DTNA: variants seen among roughly 807,000 people sequenced by gnomAD.
DTNA encodes the protein dystrobrevin alpha, also known as dystrophin-related protein 3.
Under a neutral mutation model 100.7 loss-of-function variants are expected in DTNA, and 43 were observed. The observed-to-expected ratio is 0.43, with a 90% confidence interval of 0.33 to 0.55. The LOEUF (loss-of-function observed/expected upper bound fraction) is 0.55, where lower values mean the gene tolerates loss of function less well. DTNA is among the 20% of genes least tolerant of loss of function. The probability of loss-of-function intolerance (pLI) is 0.04; values close to 1 mark genes in which losing one functional copy is unlikely to be tolerated. For missense variants in DTNA, 798 were observed against 953.9 expected (o/e 0.84, Z 2.15); for synonymous variants, 349 against 347.9 (o/e 1.00, Z -0.04).
At chr18:34,878,864 C>A (rs1446058996) in intron 19 of DTNA, among the ~76,000 whole-genome samples, 1 of 152,158 alleles carries the variant, frequency 6.6e-6, no homozygotes, top group Non-Finnish European at 1.5e-5. Context: ...TATGGTCTTA[C>A]AGCTGAGATT....
chr18:34,624,752 A>G (rs1449757454), intron 1 of DTNA, among the ~76,000 whole-genome samples: 1 of 152,364 alleles, frequency 6.6e-6, no homozygotes, highest in East Asian at 1.9e-4. Context: ...AGAGCTCACA[A>G]TACACAGTGG....
chr18:34,574,756 C>G (rs1352934554), intron 1 of DTNA, among the ~76,000 whole-genome samples: 1 of 152,136 alleles, frequency 6.6e-6, no homozygotes, highest in African/African-American at 2.4e-5. Context: ...CTCTACCTCC[C>G]AAGTAGCTGG....
intron 1 of DTNA, among the ~76,000 whole-genome samples, chr18:34,552,806 T>C (rs2045586141): frequency 6.7e-6 from 1 of 148,450 alleles, no homozygotes; most frequent in Non-Finnish European, 1.5e-5. Context: ...GTTCCAAGTC[T>C]TTGCTATGGT....
chr18:34,581,047 C>G (rs576777657), intron 1 of DTNA, among the ~76,000 whole-genome samples: 1 of 152,180 alleles, frequency 6.6e-6, no homozygotes, highest in South Asian at 2.1e-4. Flanking sequence ...AAATTGAGAC[C>G]ATCCTGGCTA....
intron 8 of DTNA, among the ~76,000 whole-genome samples, chr18:34,819,419 T>A (rs1786596): frequency 0.013 from 1,995 of 152,286 alleles, 37 homozygotes; most frequent in African/African-American, 0.045. Flanking sequence ...TCACTGTTGT[T>A]TATGTCATGC....
chr18:34,872,568 T>A (rs1449198563), intron 17 of DTNA, among the ~76,000 whole-genome samples: 1 of 152,238 alleles, frequency 6.6e-6, no homozygotes, highest in Non-Finnish European at 1.5e-5. Flanking sequence ...GAATGACCAG[T>A]GTTTGTCAGA....
chr18:34,697,033 A>G (rs1157915087), intron 1 of DTNA, among the ~76,000 whole-genome samples: 5 of 152,216 alleles, frequency 3.3e-5, no homozygotes, highest in Non-Finnish European at 4.4e-5. Context: ...CTAACAATCT[A>G]CGATGCTCAG....
intron 1 of DTNA, among the ~76,000 whole-genome samples, chr18:34,737,528 C>T (rs2089849726): frequency 6.6e-6 from 1 of 152,158 alleles, no homozygotes; most frequent in Non-Finnish European, 1.5e-5. Flanking sequence ...TCTTATGATG[C>T]ATACAACCAA....
rs1481215218 is a variant in DTNA, at chr18:34,612,483, G to A, written c.-2+118969G>A. On this transcript the variant is annotated intron_variant, in intron 1 of 19. Transcript: ENST00000283365. ...TCATAGGAGGCCATATGGTCAGCCC[G>A]GGCTAGAGTCTCAGCCTACCCTCAG... is the stretch of plus-strand genomic sequence containing the variant. 2.0e-5 allele frequency among the ~76,000 whole-genome samples: 3 copies of A among 152,238 alleles called. No homozygotes were observed. In the East Asian group the frequency reaches 5.8e-4, roughly 29 times the overall value.
intron 1 of DTNA, among the ~76,000 whole-genome samples, chr18:34,651,684 G>A (rs116610106): frequency 1.5e-3 from 223 of 152,324 alleles, no homozygotes; most frequent in African/African-American, 5.0e-3. Context: ...GATGCAATGA[G>A]AAGTGCAGAA....
intron 1 of DTNA, chr18:34,513,509 C>T (rs1296106461): frequency 6.6e-6 from 1 of 152,148 alleles, no homozygotes; most frequent in Non-Finnish European, 1.5e-5. Flanking sequence ...TCTAAATTCT[C>T]ATTAGAGAAT....
intron 1 of DTNA, among the ~76,000 whole-genome samples, chr18:34,627,317 A>G (rs1163469926): frequency 2.6e-5 from 4 of 152,186 alleles, no homozygotes; most frequent in Non-Finnish European, 1.5e-5. Context: ...TGGGGAACCA[A>G]CGTTCATTCC....
intron 3 of DTNA, 144 bp downstream of exon 3, chr18:34,766,185 G>C (rs1383288): frequency 7.3e-5 from 70 of 965,186 alleles, no homozygotes; most frequent in South Asian, 5.4e-4. Context: ...GGTATTATGA[G>C]GCACAAATGG....
chr18:34,753,940 A>T (rs1007273667), intron 1 of DTNA, among the ~76,000 whole-genome samples: 1 of 152,216 alleles, frequency 6.6e-6, no homozygotes, highest in African/African-American at 2.4e-5. Context: ...TTACCTGCGT[A>T]TATGAAATCT....
chr18:34,526,597 A>G (rs897180807), intron 1 of DTNA, among the ~76,000 whole-genome samples: 2 of 152,152 alleles, frequency 1.3e-5, no homozygotes, highest in Non-Finnish European at 2.9e-5. Context: ...GTGTCCCTAT[A>G]CTTACATAAT....
At chr18:34,539,427 A>G (rs1601629380) in intron 1 of DTNA, among the ~76,000 whole-genome samples, 1 of 152,160 alleles carries the variant, frequency 6.6e-6, no homozygotes, top group East Asian at 1.9e-4. Flanking sequence ...ATGAGCTATA[A>G]GGGTAATGGT....
intron 1 of DTNA, among the ~76,000 whole-genome samples, chr18:34,653,245 C>T (rs1379314225): frequency 1.3e-5 from 2 of 152,092 alleles, no homozygotes; most frequent in Non-Finnish European, 2.9e-5. Context: ...TAGGCTTCTA[C>T]CTGTTGATTG....
chr18:34,763,837 T>C (rs372524571), intron 2 of DTNA, among the ~76,000 whole-genome samples: 5 of 152,116 alleles, frequency 3.3e-5, no homozygotes, highest in African/African-American at 1.2e-4. Flanking sequence ...ACCAGACAGA[T>C]AAACAGTATA....
intron 9 of DTNA, among the ~76,000 whole-genome samples, chr18:34,823,580 T>C (rs562996198): frequency 6.6e-6 from 1 of 152,362 alleles, no homozygotes; most frequent in East Asian, 1.9e-4. Context: ...CACTTTATCA[T>C]TGAGTCTCTA....
Sources: gnomAD v4.1 joint callset for allele counts (sites outside exome capture counted in the v4.1 genomes callset) on GRCh38, gnomAD v4.1.1 for gene constraint, MANE v1.5 for transcripts, NCBI Gene and HGNC (gene_info 2026-07-23, HGNC 2026-07-21) for gene names.